The following DCC variants were observed in gnomAD, a reference collection of about 807,000 sequenced individuals.
The protein encoded by DCC is netrin receptor DCC.
Under a neutral mutation model 172.5 loss-of-function variants are expected in DCC, and 58 were observed. The ratio of observed to expected loss-of-function variants is 0.34; its 90% CI spans 0.27 to 0.42. DCC has a LOEUF of 0.42. Ranked by LOEUF, DCC falls within the 10% of genes least tolerant of loss-of-function variation. The probability of loss-of-function intolerance (pLI) is 1.00; values close to 1 mark genes in which losing one functional copy is unlikely to be tolerated. For missense variants in DCC, 1,740 were observed against 1,791.0 expected (o/e 0.97, Z 0.51); for synonymous variants, 709 against 644.5 (o/e 1.10, Z -1.52).
intron 7 of DCC, among the ~76,000 whole-genome samples, chr18:53,085,152 A>G (rs972612609): frequency 2.0e-5 from 3 of 152,210 alleles, no homozygotes; most frequent in Non-Finnish European, 2.9e-5. Context: ...CCAGGAAGCC[A>G]CAAGGAATTG....
chr18:53,466,858 T>G (rs563463053), intron 24 of DCC, among the ~76,000 whole-genome samples: 1 of 152,336 alleles, frequency 6.6e-6, no homozygotes, highest in Non-Finnish European at 1.5e-5. Flanking sequence ...TATATGATTC[T>G]GTGTAGTTTT....
chr18:52,639,333 GAAAC>G (rs1369625943), intron 1 of DCC, among the ~76,000 whole-genome samples: 11 of 151,950 alleles, frequency 7.2e-5, no homozygotes, highest in East Asian at 5.8e-4. Flanking sequence ...AAATGAAATT[GAAAC>G]AAACAAACAA....
At chr18:53,468,086 T>C in intron 25 of DCC, 76 bp downstream of exon 25, 1 of 815,356 alleles carries the variant, frequency 1.2e-6, no homozygotes, top group Non-Finnish European at 2.2e-6. Context: ...AATCAAATTA[T>C]CAAAAGTAAT....
intron 1 of DCC, among the ~76,000 whole-genome samples, chr18:52,640,835 C>T (rs896177224): frequency 6.6e-6 from 1 of 151,972 alleles, no homozygotes; most frequent in Admixed American, 6.6e-5. Flanking sequence ...AAAATACCAC[C>T]ATCATTCTTC....
At chr18:53,351,413 ATATACACACTG>A (rs1568075187) in intron 15 of DCC, among the ~76,000 whole-genome samples, 6 of 7,302 alleles carry the variant, frequency 8.2e-4, no homozygotes, top group Non-Finnish European at 1.3e-3. Flanking sequence ...ATATATATAT[ATATACACACTG>A]TGTATATATA....
chr18:53,185,386 A>G (rs182138906), intron 9 of DCC, among the ~76,000 whole-genome samples: 1 of 152,122 alleles, frequency 6.6e-6, no homozygotes, highest in Non-Finnish European at 1.5e-5. Context: ...AAAAATATTT[A>G]TTTTGTGCTA....
intron 12 of DCC, among the ~76,000 whole-genome samples, chr18:53,219,819 A>G (rs148466570): frequency 1.5e-3 from 234 of 152,300 alleles, no homozygotes; most frequent in African/African-American, 5.4e-3. Flanking sequence ...TGCAAAAACT[A>G]TACAGTAGGA....
At chr18:53,052,649 G>A (rs2042349036) in intron 5 of DCC, among the ~76,000 whole-genome samples, 1 of 152,076 alleles carries the variant, frequency 6.6e-6, no homozygotes, top group South Asian at 2.1e-4. Flanking sequence ...AATGAGTTTA[G>A]TTGAAGCAGC....
chr18:53,237,147 A>G (rs901303684), intron 12 of DCC: 3 of 153,274 alleles, frequency 2.0e-5, no homozygotes, highest in Non-Finnish European at 4.4e-5. Context: ...CATTATATGT[A>G]TGATGAGATC....
In DCC at chr18:53,061,067, TTTTA is replaced by T. The variant is rs1169089404; in HGVS notation, c.986-2232_986-2229del. Among the ~76,000 whole-genome samples, 9 of 152,268 alleles carry T rather than the reference TTTTA, an allele frequency of 5.9e-5. No individual in the cohort carries two copies. In the East Asian group the frequency reaches 1.7e-3, roughly 29 times the overall value. ...GTATTGTAATATATTTTTGCATTTA[TTTTA>T]TTTATCATGCAATTATGCACTGTTA... On this transcript the variant is annotated intron_variant, in intron 5 of 28. Coordinates refer to ENST00000442544, the MANE Select transcript of DCC (RefSeq NM_005215.4).
Position 53,529,797 on chromosome 18 carries a change from C to T in DCC, c.4255-767C>T, listed in dbSNP as rs76433887. Among the ~76,000 whole-genome samples the T allele has an allele frequency of 5.6e-3, 848 of 152,262 alleles. 3 individuals are homozygous for T. The highest frequency in any genetic ancestry group is 0.034 in the Middle Eastern group (10 of 294). ...CCTAGCGACCTGGTATTTGTGGTAA[C>T]TAGTAATTCTATTACTTACTGACAT... is the stretch of plus-strand genomic sequence containing the variant. On this transcript the variant is annotated intron_variant, in intron 28 of 28. Coordinates refer to ENST00000442544, the MANE Select transcript of DCC (RefSeq NM_005215.4).
intron 5 of DCC, among the ~76,000 whole-genome samples, chr18:53,057,959 C>A (rs753745905): frequency 3.9e-5 from 6 of 151,992 alleles, no homozygotes; most frequent in Admixed American, 2.0e-4. Flanking sequence ...AGATAGACCA[C>A]TGCAAGAAGC....
Position 53,399,013 on chromosome 18 carries a change from T to C in DCC, c.2827+1567T>C, listed in dbSNP as rs187385802. On this transcript the variant is annotated intron_variant, in intron 18 of 28. Coordinates refer to ENST00000442544, the MANE Select transcript of DCC (RefSeq NM_005215.4). ...AAGACCATATGGGGCTACACCATTA[T>C]GTGTTGAAATGGCTTGTGATAAAGA... Among the ~76,000 whole-genome samples the C allele has an allele frequency of 3.5e-4, 54 of 152,272 alleles. No homozygotes were observed. The Middle Eastern group carries it at 0.017, about 48-fold the overall frequency.
intron 1 of DCC, among the ~76,000 whole-genome samples, chr18:52,549,617 G>A (rs2032709490): frequency 6.6e-6 from 1 of 151,980 alleles, no homozygotes; most frequent in Non-Finnish European, 1.5e-5. Context: ...GAGTAATAAG[G>A]TAACTGACCA....
At chr18:53,074,638 G>T (rs1010141534) in intron 7 of DCC, among the ~76,000 whole-genome samples, 2 of 151,934 alleles carry the variant, frequency 1.3e-5, no homozygotes, top group Non-Finnish European at 2.9e-5. Context: ...CTACTTCAAA[G>T]TCTCCCTCCC....
At chr18:52,605,922 C>A (rs1445403567) in intron 1 of DCC, among the ~76,000 whole-genome samples, 1 of 152,038 alleles carries the variant, frequency 6.6e-6, no homozygotes, top group Non-Finnish European at 1.5e-5. Flanking sequence ...ATTGTCGTAT[C>A]AATTAAGTAA....
At chr18:52,890,385 G>A (rs2039630987) in intron 2 of DCC, among the ~76,000 whole-genome samples, 1 of 151,946 alleles carries the variant, frequency 6.6e-6, no homozygotes, top group Non-Finnish European at 1.5e-5. Flanking sequence ...AGACTAGTGG[G>A]GATAGAACAT....
chr18:52,937,755 A>AATCC (rs2040402091), intron 5 of DCC, among the ~76,000 whole-genome samples: 2 of 152,112 alleles, frequency 1.3e-5, no homozygotes, highest in Admixed American at 1.3e-4. Context: ...TGCTGGGATT[A>AATCC]CAGGCATGAG....
intron 2 of DCC, among the ~76,000 whole-genome samples, chr18:52,778,201 TAA>T (rs765316664): frequency 1.8e-4 from 28 of 152,350 alleles, no homozygotes; most frequent in Admixed American, 5.9e-4. Context: ...AGTAAAGTTT[TAA>T]AAGTTTTCGA....
Sources: gnomAD v4.1 joint callset for allele counts (sites outside exome capture counted in the v4.1 genomes callset) on GRCh38, gnomAD v4.1.1 for gene constraint, MANE v1.5 for transcripts, NCBI Gene and HGNC (gene_info 2026-07-23, HGNC 2026-07-21) for gene names.